Variants in AKNAD1 observed in about 807,000 individuals in gnomAD.
The protein encoded by AKNAD1 is protein AKNAD1.
In AKNAD1, 67 loss-of-function variants were observed where a neutral mutation model predicts 90.8. The ratio of observed to expected loss-of-function variants is 0.74; its 90% confidence interval spans 0.61 to 0.90. The LOEUF is 0.90. Among genes scored for constraint, AKNAD1 ranks in the 40% least tolerant of loss-of-function variants. The pLI, the probability that AKNAD1 is intolerant of heterozygous loss-of-function variation, is 0.00. For missense variants in AKNAD1, 957 were observed against 975.4 expected (o/e 0.98, Z 0.25); for synonymous variants, 327 against 341.4 (o/e 0.96, Z 0.46).
rs12751589 is a variant in AKNAD1, at chr1:108,855,175, C to T, written c.-104+1754G>A. 7.7e-3 allele frequency among the ~76,000 whole-genome samples: 1,150 copies of T among 150,024 alleles called. 15 individuals are homozygous for T. The highest frequency in any genetic ancestry group is 0.026 in the African/African-American group (1,074 of 40,782). On this transcript the variant is annotated intron_variant, in intron 1 of 15. Transcript: ENST00000370001. ...ATGCCTGTAATCCCAGCACTTTGGG[C>T]GGCCGAGGCAGGTGGATCACGAGGT...
intron 10 of AKNAD1, 35 bp downstream of exon 10, chr1:108,830,524 T>C: frequency 2.5e-6 from 4 of 1,606,058 alleles, no homozygotes; most frequent in Non-Finnish European, 3.4e-6. Context: ...CTGACTCCAA[T>C]CCACCCTGGG....
chr1:108,843,851 C>T (rs376653709), intron 5 of AKNAD1, among the ~76,000 whole-genome samples: 2 of 152,142 alleles, frequency 1.3e-5, no homozygotes, highest in Admixed American at 6.5e-5. Context: ...GACATCACTA[C>T]GTGCAGCCTC....
intron 6 of AKNAD1, among the ~76,000 whole-genome samples, chr1:108,838,491 T>G (rs919804456): frequency 6.6e-6 from 1 of 152,110 alleles, no homozygotes; most frequent in Non-Finnish European, 1.5e-5. Flanking sequence ...TGAGGAAAAC[T>G]TCTAGTCTTA....
chr1:108,847,543 T>C (rs1276377116), intron 5 of AKNAD1, among the ~76,000 whole-genome samples: 5 of 144,118 alleles, frequency 3.5e-5, no homozygotes, highest in African/African-American at 5.2e-5. Flanking sequence ...CCTGTCCACC[T>C]CCCCTGTCTC....
intron 6 of AKNAD1, among the ~76,000 whole-genome samples, chr1:108,839,435 T>C (rs1306592499): frequency 7.6e-6 from 1 of 131,496 alleles, no homozygotes; most frequent in Non-Finnish European, 1.5e-5. Flanking sequence ...ATCGCGCCAC[T>C]GCACTCCAGC....
chr1:108,823,540 T>TTTTGA, intron 12 of AKNAD1, 26 bp downstream of exon 12: 2 of 1,613,692 alleles, frequency 1.2e-6, no homozygotes, highest in Non-Finnish European at 1.7e-6. Context: ...CCCACTCGCC[T>TTTTGA]TTCTGAGGCC....
At chr1:108,854,497 G>T (rs777107742) in intron 1 of AKNAD1, among the ~76,000 whole-genome samples, 15 of 152,152 alleles carry the variant, frequency 9.9e-5, no homozygotes, top group Non-Finnish European at 1.5e-4. Flanking sequence ...AAATTTTTTT[G>T]AACTAAGTCG....
chr1:108,848,621 G>T, intron 5 of AKNAD1, 131 bp downstream of exon 5: 2 of 793,782 alleles, frequency 2.5e-6, no homozygotes. Context: ...CATAAACAAA[G>T]ATGGTTTAAT....
At position 108,848,908 on chromosome 1, in the gene AKNAD1, T is replaced by C; in HGVS notation, c.1182+4A>G. 6.3e-7 allele frequency: 1 copy of C among 1,599,912 alleles called. No homozygotes were observed. Among genetic ancestry groups the C allele is most frequent in the African/African-American group, 1.3e-5 (1 of 74,116 alleles). ...TTGTTTATAATAAGCTTTAAAAGTATTACTTTAGTCTTCAGTTGATCAGTC... is the reference window on the plus strand; with the variant it reads ...TTGTTTATAATAAGCTTTAAAAGTACTACTTTAGTCTTCAGTTGATCAGTC... On this transcript the variant is annotated splice_donor_region_variant and intron_variant, in intron 4 of 15. Transcript: ENST00000370001.
At position 108,844,377 on chromosome 1, in the gene AKNAD1, C is replaced by CATAT. The variant is rs35559697; in HGVS notation, c.1246-1114_1246-1111dup. ...GACTCCATCTCTCTCTCTCTCTCTC[C>CATAT]ATATATATATATATATATATACCAA... On this transcript the variant is annotated intron_variant, in intron 5 of 15. Coordinates refer to ENST00000370001, the MANE Select transcript of AKNAD1 (RefSeq NM_152763.5). Among the ~76,000 whole-genome samples the CATAT allele has an allele frequency of 8.2e-3, 1,187 of 145,084 alleles. 23 individuals carry two copies. Among genetic ancestry groups the CATAT allele is most frequent in the African/African-American group, 0.027 (1,067 of 39,112 alleles).
intron 9 of AKNAD1, among the ~76,000 whole-genome samples, chr1:108,831,918 T>A (rs1326672001): frequency 6.6e-6 from 1 of 152,116 alleles, no homozygotes; most frequent in Non-Finnish European, 1.5e-5. Flanking sequence ...TGAGTAATTG[T>A]GTGAGCCACT....
chr1:108,831,692 G>A (rs996030214), intron 9 of AKNAD1, among the ~76,000 whole-genome samples: 4 of 137,448 alleles, frequency 2.9e-5, no homozygotes, highest in African/African-American at 5.7e-5. Context: ...TGCCCAGGCT[G>A]GAGTGCAGTG....
At chr1:108,829,901 C>A (rs1664131522) in intron 10 of AKNAD1, among the ~76,000 whole-genome samples, 1 of 152,176 alleles carries the variant, frequency 6.6e-6, no homozygotes, top group South Asian at 2.1e-4. Context: ...ATAAATGATA[C>A]TGAATCGACA....
intron 11 of AKNAD1, among the ~76,000 whole-genome samples, chr1:108,825,527 C>A (rs1424846320): frequency 6.6e-6 from 1 of 151,632 alleles, no homozygotes; most frequent in African/African-American, 2.4e-5. Context: ...AAATTGAGGA[C>A]CCTAAACAGC....
At chr1:108,846,489 C>A (rs910141944) in intron 5 of AKNAD1, among the ~76,000 whole-genome samples, 1 of 152,156 alleles carries the variant, frequency 6.6e-6, no homozygotes, top group African/African-American at 2.4e-5. Flanking sequence ...GCTTCCAGAT[C>A]CACCACTTCA....
chr1:108,826,196 G>A (rs1663990755), intron 11 of AKNAD1, among the ~76,000 whole-genome samples: 1 of 151,754 alleles, frequency 6.6e-6, no homozygotes, highest in African/African-American at 2.4e-5. Flanking sequence ...GCAGAACCAA[G>A]TGTGACATAA....
At position 108,817,752 on chromosome 1, in the gene AKNAD1, G is replaced by A. The variant is rs190549736; in HGVS notation, c.2250-575C>T. The stretch of plus-strand genomic sequence containing the variant: ...GATCTCCTGACCTCGTGATCCGCCC[G>A]CCTCGGCCTCCCAAAGTGCTGGGAT... On this transcript the variant is annotated intron_variant, in intron 14 of 15. Coordinates refer to ENST00000370001, the MANE Select transcript of AKNAD1 (RefSeq NM_152763.5). 1.9e-3 allele frequency among the ~76,000 whole-genome samples: 294 copies of A among 151,120 alleles called. 2 individuals carry two copies. Among genetic ancestry groups the A allele is most frequent in the African/African-American group, 6.7e-3 (274 of 41,174 alleles).
In AKNAD1 at chr1:108,852,199, T is replaced by C. The variant is rs781314497; in HGVS notation, c.466A>G (p.Asn156Asp). The C allele has an allele frequency of 3.1e-6, 5 of 1,613,742 alleles. No individual in the cohort carries two copies. Among genetic ancestry groups the C allele is most frequent in the Non-Finnish European group, 4.2e-6 (5 of 1,179,900 alleles). Residue 156 changes from asparagine to aspartate, a missense_variant, in exon 2 of 16, where the codon AAT becomes GAT. Transcript: ENST00000370001. ...AIIKSIISCY[N>D]KNSWPKEQTP... is the part of the protein sequence containing the mutation. ...TGTTCTTTTGGCCAAGAATTCTTAT[T>C]ATAACATGAAATAATACTTTTAATA...
chr1:108,834,545 A>C lies in AKNAD1; in HGVS notation c.1665-17T>G. ...TTTAGGTAACTAATTTAAAAAAAAA[A>C]AAAGCAGTTTGAATGTTAGAATCAG... is the stretch of plus-strand genomic sequence containing the variant. On this transcript the variant is annotated splice_polypyrimidine_tract_variant and intron_variant, in intron 8 of 15. Coordinates refer to ENST00000370001, the MANE Select transcript of AKNAD1 (RefSeq NM_152763.5). 6.3e-7 allele frequency: 1 copy of C among 1,580,830 alleles called. No homozygotes were observed. The highest frequency in any genetic ancestry group is 8.6e-7 in the Non-Finnish European group (1 of 1,164,942).
Sources: gnomAD v4.1 joint callset for allele counts (sites outside exome capture counted in the v4.1 genomes callset) on GRCh38, gnomAD v4.1.1 for gene constraint, MANE v1.5 for transcripts, NCBI Gene and HGNC (gene_info 2026-07-23, HGNC 2026-07-21) for gene names.